The following TRDN variants were observed in gnomAD, a reference collection of about 807,000 sequenced individuals.
TRDN encodes triadin in skeletal muscle.
In TRDN, 161 loss-of-function variants were observed where a neutral mutation model predicts 149.7. The ratio of observed to expected loss-of-function variants is 1.08; its 90% CI spans 0.95 to 1.23. The LOEUF is 1.23. TRDN is among the 50% of genes most tolerant of loss of function. TRDN has a pLI of 0.00. For missense variants in TRDN, 896 were observed against 823.5 expected (o/e 1.09, Z -1.08); for synonymous variants, 294 against 250.5 (o/e 1.17, Z -1.64).
intron 5 of TRDN, among the ~76,000 whole-genome samples, chr6:123,526,780 A>G (rs1176094580): frequency 6.6e-6 from 1 of 152,000 alleles, no homozygotes; most frequent in East Asian, 1.9e-4. Context: ...ACTTGGGATG[A>G]CACATCTTAT....
chr6:123,429,520 C>T (rs1021001552), intron 12 of TRDN, among the ~76,000 whole-genome samples: 7 of 152,076 alleles, frequency 4.6e-5, no homozygotes, highest in Admixed American at 2.6e-4. Context: ...GGATATATAA[C>T]GACAAAATTT....
At chr6:123,278,978 C>T (rs1777478550) in intron 25 of TRDN, 78 bp downstream of exon 25, 3 of 1,295,574 alleles carry the variant, frequency 2.3e-6, no homozygotes, top group Non-Finnish European at 3.2e-6. Context: ...AGATAAATAA[C>T]AGCATGCATT....
intron 10 of TRDN, chr6:123,464,369 A>G (rs1315236140): frequency 1.0e-6 from 1 of 973,252 alleles, no homozygotes; most frequent in Non-Finnish European, 1.2e-6. Flanking sequence ...TATACATAAA[A>G]CAGTATTTGT....
intron 16 of TRDN, among the ~76,000 whole-genome samples, chr6:123,379,289 G>A (rs1393448451): frequency 6.6e-6 from 1 of 152,106 alleles, no homozygotes; most frequent in Non-Finnish European, 1.5e-5. Flanking sequence ...GGTATAATGA[G>A]CAACTTATCC....
chr6:123,556,839 G>T (rs770996797), intron 2 of TRDN, among the ~76,000 whole-genome samples: 39 of 152,138 alleles, frequency 2.6e-4, no homozygotes, highest in Admixed American at 2.6e-3. Flanking sequence ...ATCCCAAAGC[G>T]ATAGTGTCAG....
intron 14 of TRDN, among the ~76,000 whole-genome samples, chr6:123,387,556 G>A (rs1412040995): frequency 6.6e-6 from 1 of 152,072 alleles, no homozygotes; most frequent in Non-Finnish European, 1.5e-5. Context: ...TCACTCAAGT[G>A]AGAACGACAG....
chr6:123,258,507 CT>C (rs1305387690), intron 35 of TRDN, among the ~76,000 whole-genome samples: 19 of 152,088 alleles, frequency 1.2e-4, no homozygotes, highest in Admixed American at 7.9e-4. Flanking sequence ...GGTGGATAAG[CT>C]TTTTAATGTG....
At position 123,503,920 on chromosome 6, in the gene TRDN, T is replaced by A. The variant is rs142018848; in HGVS notation, c.611-19A>T. On this transcript the variant is annotated intron_variant, in intron 7 of 40. Coordinates refer to ENST00000334268, the MANE Select transcript of TRDN (RefSeq NM_006073.4). ...TTCTGTTCTGTATAAAGTTAAAAGATGTTGAAATACTTTTGTTTATTTACA... is the reference window on the plus strand; with the variant it reads ...TTCTGTTCTGTATAAAGTTAAAAGAAGTTGAAATACTTTTGTTTATTTACA... The A allele has an allele frequency of 9.5e-5, 145 of 1,526,250 alleles. No individual in the cohort carries two copies. The African/African-American group carries it at 1.8e-3, about 19-fold the overall frequency. 94.5% of individuals were successfully genotyped at this position (1,526,250 alleles called of 1,614,324 possible). A position where few individuals can be genotyped will look rare whatever the true frequency, so the allele number is the denominator to read the frequency against.
At chr6:123,332,586 T>C (rs1181524024) in intron 22 of TRDN, among the ~76,000 whole-genome samples, 1 of 152,142 alleles carries the variant, frequency 6.6e-6, no homozygotes, top group Non-Finnish European at 1.5e-5. Context: ...ATATGGTCAA[T>C]GTCTTTAACA....
At chr6:123,298,375 C>T (rs962496404) in intron 24 of TRDN, among the ~76,000 whole-genome samples, 8 of 151,928 alleles carry the variant, frequency 5.3e-5, no homozygotes, top group African/African-American at 1.9e-4. Context: ...TTTCAACATA[C>T]CATGCCCATT....
At chr6:123,462,192 T>C (rs761035573) in intron 10 of TRDN, 2 of 152,170 alleles carry the variant, frequency 1.3e-5, no homozygotes, top group African/African-American at 2.4e-5. Flanking sequence ...ATTTAATATA[T>C]AATTAGTCCC....
intron 12 of TRDN, among the ~76,000 whole-genome samples, chr6:123,422,003 A>G (rs572649483): frequency 1.3e-5 from 2 of 152,236 alleles, no homozygotes; most frequent in African/African-American, 2.4e-5. Flanking sequence ...AACAATAAAA[A>G]TAACACAACA....
At chr6:123,230,554 T>A (rs13199744) in intron 38 of TRDN, among the ~76,000 whole-genome samples, 1 of 124,894 alleles carries the variant, frequency 8.0e-6, no homozygotes, top group Non-Finnish European at 1.7e-5. Flanking sequence ...ATAATAATAA[T>A]AAAAAGAAAA....
chr6:123,348,513 AT>A (rs1216429485), intron 21 of TRDN, among the ~76,000 whole-genome samples: 1 of 152,102 alleles, frequency 6.6e-6, no homozygotes, highest in East Asian at 1.9e-4. Context: ...AAACCAATTC[AT>A]TTGTCTTTTC....
At chr6:123,379,213 T>A (rs1266750877) in intron 16 of TRDN, among the ~76,000 whole-genome samples, 2 of 152,204 alleles carry the variant, frequency 1.3e-5, no homozygotes, top group African/African-American at 4.8e-5. Flanking sequence ...CATAGAATGC[T>A]ACGGTCATCA....
chr6:123,399,238 A>G (rs1772860573), intron 12 of TRDN, among the ~76,000 whole-genome samples: 1 of 152,216 alleles, frequency 6.6e-6, no homozygotes, highest in Non-Finnish European at 1.5e-5. Flanking sequence ...AAAATTAAGC[A>G]TAGGAAAACA....
chr6:123,371,659 A>G (rs979526137), intron 19 of TRDN, among the ~76,000 whole-genome samples: 3 of 152,138 alleles, frequency 2.0e-5, no homozygotes, highest in Non-Finnish European at 2.9e-5. Flanking sequence ...AGTATTCATC[A>G]GTCTAGCTCT....
chr6:123,536,710 T>TAAATAAAC (rs1217769238), intron 4 of TRDN, among the ~76,000 whole-genome samples: 3 of 148,898 alleles, frequency 2.0e-5, no homozygotes, highest in African/African-American at 7.4e-5. Context: ...AATAAATAAA[T>TAAATAAAC]AAATAAATAA....
intron 2 of TRDN, among the ~76,000 whole-genome samples, chr6:123,565,974 A>G (rs1360151788): frequency 6.6e-6 from 1 of 152,096 alleles, no homozygotes; most frequent in African/African-American, 2.4e-5. Context: ...ACTACTTTCC[A>G]CTCAACACCA....
Sources: gnomAD v4.1 joint callset for allele counts (sites outside exome capture counted in the v4.1 genomes callset) on GRCh38, gnomAD v4.1.1 for gene constraint, MANE v1.5 for transcripts, NCBI Gene and HGNC (gene_info 2026-07-23, HGNC 2026-07-21) for gene names.